AHI1: variants seen among roughly 807,000 people sequenced by gnomAD.
AHI1 encodes the protein jouberin.
Under a neutral mutation model 149.3 loss-of-function variants are expected in AHI1, and 123 were observed. That is an observed-to-expected ratio of 0.82 (90% CI 0.71 to 0.96). The LOEUF (loss-of-function observed/expected upper bound fraction) is 0.96. Among genes scored for constraint, AHI1 ranks in the 40% least tolerant of loss-of-function variants. The pLI is 0.00. For missense variants in AHI1, 1,439 were observed against 1,422.7 expected, an observed-to-expected ratio of 1.01 and a Z score of -0.18; for synonymous variants, 475 against 459.8, an observed-to-expected ratio of 1.03 and a Z score of -0.42.
chr6:135,308,601 A>G (rs1784798153), intron 26 of AHI1, among the ~76,000 whole-genome samples: 1 of 152,236 alleles, frequency 6.6e-6, no homozygotes, highest in Non-Finnish European at 1.5e-5. Context: ...TTAGAATTTG[A>G]GAATTTATAG....
At chr6:135,473,745 T>C (rs1242373071) in intron 5 of AHI1, among the ~76,000 whole-genome samples, 1 of 46,814 alleles carries the variant, frequency 2.1e-5, no homozygotes, top group Non-Finnish European at 7.7e-5. Flanking sequence ...ATGCTACACA[T>C]TTTTTCTATT....
chr6:135,361,694 C>T (rs1470713921), intron 23 of AHI1, among the ~76,000 whole-genome samples: 1 of 136,970 alleles, frequency 7.3e-6, no homozygotes, highest in African/African-American at 2.8e-5. Flanking sequence ...CACACACACA[C>T]GTGTGTATAT....
chr6:135,446,629 A>G (rs1159311215), intron 13 of AHI1, among the ~76,000 whole-genome samples: 1 of 152,178 alleles, frequency 6.6e-6, no homozygotes, highest in Non-Finnish European at 1.5e-5. Context: ...AGTGAAGAGG[A>G]GGCGGGCTCC....
At chr6:135,454,264 T>A (rs1054668700) in intron 10 of AHI1, among the ~76,000 whole-genome samples, 2 of 152,236 alleles carry the variant, frequency 1.3e-5, no homozygotes, top group Non-Finnish European at 1.5e-5. Flanking sequence ...AACATATGTG[T>A]GGAACTACAA....
Position 135,283,884 on chromosome 6 carries a change from CT to C in AHI1, c.*1760del, listed in dbSNP as rs1039691300. 1 of 152,158 alleles carries C rather than the reference CT, an allele frequency of 6.6e-6. No individual in the cohort carries two copies. The highest frequency in any genetic ancestry group is 1.5e-5 in the Non-Finnish European group (1 of 68,032). 9.4% of individuals were successfully genotyped at this position (152,158 alleles called of 1,614,324 possible). A position where few individuals can be genotyped will look rare whatever the true frequency, so the allele number is the denominator to read the frequency against. ...GAGCTTAGCAAATGCTTAGCTCCCC[CT>C]GACATATTTTTCATTCATCTTAAAT... On this transcript the variant is annotated 3_prime_UTR_variant, in exon 29 of 29. Coordinates refer to ENST00000265602, the MANE Select transcript of AHI1 (RefSeq NM_001134831.2).
rs1788061210 is a variant in AHI1, at chr6:135,451,344, C to T, written c.1440+1997G>A. On this transcript the variant is annotated intron_variant, in intron 11 of 28. Transcript: ENST00000265602. ...TTATCCTTGCCACTCTTTCTATCAT[C>T]AATGATTAATTCCCTCAATATATAT... 2.0e-5 allele frequency among the ~76,000 whole-genome samples: 3 copies of T among 152,150 alleles called. No homozygotes were observed. In the South Asian group the frequency reaches 6.2e-4, roughly 32 times the overall value.
chr6:135,470,133 C>A (rs1405499917), intron 5 of AHI1, among the ~76,000 whole-genome samples: 3 of 152,022 alleles, frequency 2.0e-5, no homozygotes, highest in African/African-American at 7.2e-5. Flanking sequence ...AAAAACTAAA[C>A]GACCCCACAA....
At chr6:135,324,551 C>CAT (rs3071751) in intron 24 of AHI1, among the ~76,000 whole-genome samples, 12,383 of 144,674 alleles carry the variant, frequency 0.086, 1,110 homozygotes, top group African/African-American at 0.23. Context: ...GTTATATATA[C>CAT]ATATATATAT....
At chr6:135,294,416 G>T (rs1201438463) in intron 27 of AHI1, among the ~76,000 whole-genome samples, 1 of 152,048 alleles carries the variant, frequency 6.6e-6, no homozygotes, top group East Asian at 1.9e-4. Flanking sequence ...GGCTGAGGCA[G>T]GAGAACTGCT....
intron 26 of AHI1, chr6:135,301,498 C>T (rs1583582148): frequency 1.0e-6 from 1 of 985,310 alleles, no homozygotes; most frequent in South Asian, 4.7e-5. Context: ...TCTTCACAAT[C>T]AGATTTCTGC....
chr6:135,352,518 G>A (rs75889689), intron 24 of AHI1, among the ~76,000 whole-genome samples: 8 of 151,954 alleles, frequency 5.3e-5, no homozygotes, highest in Non-Finnish European at 1.0e-4. Context: ...CCAGTGCTGG[G>A]AATTCCTACA....
chr6:135,455,589 A>T, intron 10 of AHI1, 145 bp downstream of exon 10: 1 of 579,370 alleles, frequency 1.7e-6, no homozygotes, highest in Non-Finnish European at 2.8e-6. Context: ...ACTTGATTCC[A>T]CAGCATTGGA....
chr6:135,369,320 C>T (rs976018617), intron 23 of AHI1, among the ~76,000 whole-genome samples: 2 of 152,198 alleles, frequency 1.3e-5, no homozygotes, highest in African/African-American at 4.8e-5. Flanking sequence ...TCTGTGGATT[C>T]TCTTGGCTTT....
chr6:135,337,934 T>G (rs1337094691), intron 24 of AHI1, among the ~76,000 whole-genome samples: 1 of 152,106 alleles, frequency 6.6e-6, no homozygotes, highest in African/African-American at 2.4e-5. Flanking sequence ...CGTACATGCA[T>G]ATGAGCATTT....
chr6:135,316,030 T>G (rs1785895101), intron 26 of AHI1, among the ~76,000 whole-genome samples: 1 of 143,434 alleles, frequency 7.0e-6, no homozygotes, highest in South Asian at 2.2e-4. Flanking sequence ...CCCACCAGTA[T>G]TATCCCCCAC....
chr6:135,470,099 G>A (rs1270248270), intron 5 of AHI1, among the ~76,000 whole-genome samples: 1 of 151,730 alleles, frequency 6.6e-6, no homozygotes, highest in Non-Finnish European at 1.5e-5. Flanking sequence ...GAATCTATAA[G>A]GAACTTAAAC....
At chr6:135,321,124 A>G (rs1389159950) in intron 25 of AHI1, among the ~76,000 whole-genome samples, 1 of 152,156 alleles carries the variant, frequency 6.6e-6, no homozygotes, top group African/African-American at 2.4e-5. Context: ...TCAGCTGGGC[A>G]TGGTAGCATG....
intron 27 of AHI1, among the ~76,000 whole-genome samples, chr6:135,300,270 A>G (rs903046827): frequency 2.0e-5 from 3 of 149,846 alleles, no homozygotes; most frequent in Non-Finnish European, 4.4e-5. Context: ...GGTTGCAGTG[A>G]GCTGAGATTG....
intron 23 of AHI1, among the ~76,000 whole-genome samples, chr6:135,364,515 C>A (rs1418491039): frequency 6.7e-6 from 1 of 148,510 alleles, no homozygotes; most frequent in Admixed American, 6.7e-5. Flanking sequence ...GCTGCAATCT[C>A]AGCACTTTGG....
Sources: allele counts gnomAD v4.1 joint callset (sites outside exome capture counted in the v4.1 genomes callset), GRCh38; gene constraint gnomAD v4.1.1; transcripts MANE v1.5; gene names NCBI Gene and HGNC (gene_info 2026-07-23, HGNC 2026-07-21).